ROBO2: variants seen among roughly 807,000 people sequenced by gnomAD.
ROBO2 encodes the protein roundabout guidance receptor 2.
A neutral mutation model predicts 160.8 loss-of-function variants in ROBO2; 53 were observed. The ratio of observed to expected loss-of-function variants is 0.33; its 90% CI spans 0.26 to 0.41. ROBO2 has a LOEUF of 0.41. Ranked by LOEUF, ROBO2 falls within the 10% of genes least tolerant of loss-of-function variation. ROBO2 has a pLI of 1.00. For missense variants in ROBO2, 1,577 were observed against 1,722.4 expected, an observed-to-expected ratio of 0.92 and a Z score of 1.49; for synonymous variants, 664 against 611.7, an observed-to-expected ratio of 1.09 and a Z score of -1.26.
At chr3:77,005,634 A>G (rs1238511352) in intron 2 of ROBO2, among the ~76,000 whole-genome samples, 2 of 152,204 alleles carry the variant, frequency 1.3e-5, no homozygotes, top group Non-Finnish European at 2.9e-5. Flanking sequence ...AGAATGATAT[A>G]AACGACAGTA....
Position 76,139,796 on chromosome 3 carries a change from A to G in ROBO2, c.109+202194A>G, listed in dbSNP as rs1342990922. On this transcript the variant is annotated intron_variant, in intron 2 of 26. Coordinates refer to the ROBO2 transcript ENST00000487694. ...TTCTTACCTCTCCTTTACATTTAAC[A>G]TGAAAAATGTCAGGTAAAACATGGT... 2.0e-5 allele frequency among the ~76,000 whole-genome samples: 3 copies of G among 152,116 alleles called. No homozygotes were observed. The East Asian group carries it at 5.8e-4, about 29-fold the overall frequency.
intron 2 of ROBO2, among the ~76,000 whole-genome samples, chr3:76,599,242 A>C (rs1046759002): frequency 4.6e-5 from 7 of 152,100 alleles, no homozygotes; most frequent in African/African-American, 1.7e-4. Flanking sequence ...CCTGTTAAGT[A>C]GGCCCCAGTG....
intron 2 of ROBO2, among the ~76,000 whole-genome samples, chr3:76,772,106 G>A (rs917019896): frequency 5.9e-5 from 9 of 151,262 alleles, no homozygotes; most frequent in African/African-American, 2.2e-4. Flanking sequence ...GCTGTTGAGG[G>A]TTTGGGACAG....
intron 7 of ROBO2, among the ~76,000 whole-genome samples, chr3:77,547,782 A>G (rs1439493517): frequency 6.6e-6 from 1 of 152,136 alleles, no homozygotes. Context: ...CTTATCCCAC[A>G]TCAGAACTGT....
chr3:77,330,335 T>C (rs566189752), intron 2 of ROBO2, among the ~76,000 whole-genome samples: 6 of 152,292 alleles, frequency 3.9e-5, no homozygotes, highest in African/African-American at 1.4e-4. Context: ...CTGGCCAACA[T>C]GGCAAAACCT....
intron 2 of ROBO2, among the ~76,000 whole-genome samples, chr3:77,306,814 G>C (rs1369295630): frequency 4.6e-5 from 7 of 152,054 alleles, no homozygotes; most frequent in African/African-American, 1.7e-4. Context: ...GCAGTGAACT[G>C]GACAATCATT....
intron 2 of ROBO2, among the ~76,000 whole-genome samples, chr3:76,969,348 A>G (rs940426594): frequency 3.3e-5 from 5 of 152,142 alleles, no homozygotes; most frequent in African/African-American, 1.2e-4. Context: ...TAAATCAGAA[A>G]TTGAACTGGA....
At position 77,602,845 on chromosome 3, in the gene ROBO2, C is replaced by T. The variant is rs1235240324; in HGVS notation, c.3136+354C>T. On this transcript the variant is annotated intron_variant, in intron 20 of 25. Coordinates refer to ENST00000461745, the Ensembl canonical transcript of ROBO2. ...TTCCTCCACTCTCCCACAACATCTG[C>T]TTCTGAGTTGCTAACTGCATGTTCT... 2.1e-5 allele frequency: 10 copies of T among 467,382 alleles called. No homozygotes were observed. The East Asian group carries it at 6.1e-4, about 28-fold the overall frequency. 29.0% of individuals were successfully genotyped at this position (467,382 alleles called of 1,614,324 possible).
At position 75,916,365 on chromosome 3, in the gene ROBO2, G is replaced by A. The variant is rs141541074; in HGVS notation, c.-14+9405G>A. On this transcript the variant is annotated intron_variant, in intron 1 of 26. Transcript: ENST00000487694. ...CACTGATTTATTTATTTATTATTTC[G>A]GGGGGATCACTATTATTTGCTGTAG... Among the ~76,000 whole-genome samples the A allele has an allele frequency of 1.1e-3, 173 of 151,998 alleles. 1 individual carries two copies. The highest frequency in any genetic ancestry group is 2.0e-3 in the Admixed American group (30 of 15,262).
At chr3:77,043,256 T>A (rs1256295223) in intron 1 of ROBO2, among the ~76,000 whole-genome samples, 1 of 152,188 alleles carries the variant, frequency 6.6e-6, no homozygotes, top group Non-Finnish European at 1.5e-5. Context: ...TGTGTGCTTA[T>A]ACTCCACATG....
intron 2 of ROBO2, among the ~76,000 whole-genome samples, chr3:77,207,917 C>T (rs2083628115): frequency 6.6e-6 from 1 of 152,158 alleles, no homozygotes; most frequent in South Asian, 2.1e-4. Flanking sequence ...TGTCTTCTTG[C>T]TCTTGAGAAT....
At chr3:76,172,275 C>T (rs942954018) in intron 2 of ROBO2, among the ~76,000 whole-genome samples, 35 of 142,322 alleles carry the variant, frequency 2.5e-4, no homozygotes, top group African/African-American at 8.7e-4. Flanking sequence ...ACATCACACA[C>T]CAGGGACTGC....
At chr3:76,948,904 ATATATTTTTTTT>A (rs1320325361) in intron 2 of ROBO2, among the ~76,000 whole-genome samples, 520 of 24,704 alleles carry the variant, frequency 0.021, no homozygotes, top group Middle Eastern at 0.029. Flanking sequence ...ATATATATAT[ATATATTTTTTTT>A]TTTTTTTTTT....
At chr3:76,408,875 C>T (rs142244010) in intron 2 of ROBO2, among the ~76,000 whole-genome samples, 64 of 151,770 alleles carry the variant, frequency 4.2e-4, no homozygotes, top group African/African-American at 1.5e-3. Context: ...TAAGTCTGGC[C>T]CTCTTCCCCT....
chr3:77,146,675 G>T (rs1276332250), intron 2 of ROBO2, among the ~76,000 whole-genome samples: 2 of 151,900 alleles, frequency 1.3e-5, no homozygotes, highest in East Asian at 3.9e-4. Flanking sequence ...GGTGTAAAAA[G>T]GCCAAGATTT....
chr3:75,937,049 A>T (rs1415100395), intron 1 of ROBO2, among the ~76,000 whole-genome samples: 2 of 152,138 alleles, frequency 1.3e-5, no homozygotes, highest in African/African-American at 4.8e-5. Context: ...TTTATGCTAA[A>T]CTTACATAAA....
intron 2 of ROBO2, among the ~76,000 whole-genome samples, chr3:77,400,493 A>C (rs1208651330): frequency 6.6e-6 from 1 of 152,178 alleles, no homozygotes; most frequent in Non-Finnish European, 1.5e-5. Context: ...AGGAGCCAGT[A>C]CGTTCACTTT....
chr3:76,768,277 A>C (rs1420199732), intron 2 of ROBO2, among the ~76,000 whole-genome samples: 1 of 151,360 alleles, frequency 6.6e-6, no homozygotes, highest in Non-Finnish European at 1.5e-5. Flanking sequence ...GACCTTTACG[A>C]GGTCAGTTTT....
chr3:76,713,130 T>C (rs1209095425), intron 2 of ROBO2, among the ~76,000 whole-genome samples: 1 of 152,232 alleles, frequency 6.6e-6, no homozygotes, highest in African/African-American at 2.4e-5. Context: ...GTAAACATCA[T>C]ATGGGATGAG....
Sources: allele counts gnomAD v4.1 joint callset (sites outside exome capture counted in the v4.1 genomes callset), GRCh38; gene constraint gnomAD v4.1.1; transcripts MANE v1.5; gene names NCBI Gene and HGNC (gene_info 2026-07-23, HGNC 2026-07-21).